Variants in PTPRD observed in about 807,000 individuals in gnomAD.
PTPRD encodes protein tyrosine phosphatase receptor type D.
A neutral mutation model predicts 214.5 loss-of-function variants in PTPRD; 34 were observed. That is an observed-to-expected ratio of 0.16 (90% CI 0.12 to 0.21). The LOEUF is 0.21. Among genes scored for constraint, PTPRD ranks in the 10% least tolerant of loss-of-function variants. PTPRD has a pLI of 1.00. For synonymous variants in PTPRD, 1,128 were observed against 845.7 expected (o/e 1.33, Z -5.79); for missense variants, 2,545 against 2,398.7 (o/e 1.06, Z -1.27).
At position 9,887,207 on chromosome 9, in the gene PTPRD, C is replaced by A. The variant is rs1446261560; in HGVS notation, c.-368+51300G>T. On this transcript the variant is annotated intron_variant, in intron 5 of 45. Transcript: ENST00000381196. Reference sequence around the variant, plus strand: ...AGAAAGCCTTCTGTCAATATCATAGCAGAATTGTTTGTTCACTTCACCGTA... The same window carrying A: ...AGAAAGCCTTCTGTCAATATCATAGAAGAATTGTTTGTTCACTTCACCGTA... Among the ~76,000 whole-genome samples the A allele has an allele frequency of 2.6e-5, 4 of 152,220 alleles. No individual in the cohort carries two copies. The East Asian group carries it at 7.7e-4, about 29-fold the overall frequency.
intron 7 of PTPRD, among the ~76,000 whole-genome samples, chr9:9,614,182 G>C (rs371922083): frequency 1.3e-5 from 2 of 151,866 alleles, no homozygotes; most frequent in East Asian, 1.9e-4. Flanking sequence ...GAAAGTTTAT[G>C]ATTGCCAGAG....
chr9:10,281,731 A>G (rs117604398), intron 3 of PTPRD, among the ~76,000 whole-genome samples: 133 of 152,316 alleles, frequency 8.7e-4, no homozygotes, highest in Non-Finnish European at 1.6e-3. Context: ...AATGACTATC[A>G]TATGAAAACT....
intron 11 of PTPRD, among the ~76,000 whole-genome samples, chr9:8,759,649 T>C (rs575208458): frequency 6.6e-6 from 1 of 152,002 alleles, no homozygotes; most frequent in East Asian, 1.9e-4. Flanking sequence ...TCAATCTTCT[T>C]TTCCTACTCA....
chr9:9,890,815 C>T (rs1307595646), intron 5 of PTPRD, among the ~76,000 whole-genome samples: 1 of 152,066 alleles, frequency 6.6e-6, no homozygotes, highest in East Asian at 1.9e-4. Flanking sequence ...TACTATGTCT[C>T]CAATGATGCC....
intron 9 of PTPRD, among the ~76,000 whole-genome samples, chr9:9,289,989 G>A (rs1950633992): frequency 6.6e-6 from 1 of 151,698 alleles, no homozygotes; most frequent in African/African-American, 2.4e-5. Flanking sequence ...TTAGGTTGTT[G>A]AATCATGTCG....
intron 12 of PTPRD, among the ~76,000 whole-genome samples, chr9:8,695,965 C>T (rs2097902970): frequency 6.6e-6 from 1 of 152,148 alleles, no homozygotes. Context: ...AAATCTAGAT[C>T]AAAATAAATG....
At position 9,641,178 on chromosome 9, in the gene PTPRD, T is replaced by C. The variant is rs118173588; in HGVS notation, c.-286-66397A>G. 1.3e-3 allele frequency among the ~76,000 whole-genome samples: 199 copies of C among 152,348 alleles called. 1 individual carries two copies. Among genetic ancestry groups the C allele is most frequent in the Non-Finnish European group, 2.4e-3 (166 of 68,032 alleles). ...TTCTGTTGATGCTGCTTAGCAAATG[T>C]AGCTCCTTGAGTTGTTTTCATTTCA... On this transcript the variant is annotated intron_variant, in intron 7 of 45. Transcript: ENST00000381196.
intron 11 of PTPRD, among the ~76,000 whole-genome samples, chr9:8,985,791 G>A (rs895796277): frequency 3.9e-5 from 6 of 151,976 alleles, no homozygotes; most frequent in Non-Finnish European, 7.4e-5. Context: ...TATAGCCTGA[G>A]GTTAATGAAG....
chr9:8,375,346 C>T (rs1266932669), intron 39 of PTPRD, among the ~76,000 whole-genome samples: 2 of 151,992 alleles, frequency 1.3e-5, no homozygotes, highest in Non-Finnish European at 2.9e-5. Flanking sequence ...AGAAATACAA[C>T]TTATTACCTT....
At chr9:9,459,170 G>C (rs776779220) in intron 8 of PTPRD, among the ~76,000 whole-genome samples, 3 of 151,948 alleles carry the variant, frequency 2.0e-5, no homozygotes, top group Non-Finnish European at 4.4e-5. Context: ...CATATGTCCA[G>C]TATATCACTA....
At chr9:10,512,196 C>A (rs2048532700) in intron 2 of PTPRD, among the ~76,000 whole-genome samples, 3 of 97,308 alleles carry the variant, frequency 3.1e-5, no homozygotes, top group African/African-American at 7.6e-5. Context: ...GCTTATTTAC[C>A]TTAACAAAAA....
chr9:10,247,141 G>C (rs1218464733), intron 3 of PTPRD, among the ~76,000 whole-genome samples: 1 of 152,052 alleles, frequency 6.6e-6, no homozygotes, highest in Non-Finnish European at 1.5e-5. Context: ...GTTACACAAA[G>C]TAAAACTAGT....
chr9:9,280,049 T>C (rs1026854702), intron 9 of PTPRD, among the ~76,000 whole-genome samples: 5 of 151,376 alleles, frequency 3.3e-5, no homozygotes, highest in Non-Finnish European at 4.4e-5. Flanking sequence ...TGCTTTAGCA[T>C]AGCAAAAACT....
At chr9:10,028,591 G>A (rs553692739) in intron 4 of PTPRD, among the ~76,000 whole-genome samples, 2 of 152,138 alleles carry the variant, frequency 1.3e-5, no homozygotes, top group East Asian at 1.9e-4. Context: ...GTTGGGAACT[G>A]GAGCAAAGGT....
chr9:9,674,216 G>T (rs544412674), intron 7 of PTPRD, among the ~76,000 whole-genome samples: 1 of 151,766 alleles, frequency 6.6e-6, no homozygotes. Flanking sequence ...GGAGCTGATA[G>T]GCATTGTTCA....
At chr9:8,586,484 C>T (rs982237091) in intron 14 of PTPRD, among the ~76,000 whole-genome samples, 1 of 152,050 alleles carries the variant, frequency 6.6e-6, no homozygotes, top group Non-Finnish European at 1.5e-5. Flanking sequence ...TTATTTCATC[C>T]ACTTCTGCTA....
intron 2 of PTPRD, among the ~76,000 whole-genome samples, chr9:10,593,348 T>C (rs543657428): frequency 6.6e-6 from 1 of 152,042 alleles, no homozygotes; most frequent in African/African-American, 2.4e-5. Context: ...ATACAGCACA[T>C]GTAAGAGTGA....
chr9:9,489,380 AAG>A (rs1463531413), intron 8 of PTPRD, among the ~76,000 whole-genome samples: 1 of 152,116 alleles, frequency 6.6e-6, no homozygotes. Context: ...AAGACATACA[AAG>A]AGAGAGGAAC....
chr9:9,708,916 A>AT (rs1396897538), intron 7 of PTPRD, among the ~76,000 whole-genome samples: 3 of 151,986 alleles, frequency 2.0e-5, no homozygotes, highest in Admixed American at 2.0e-4. Context: ...TTTCCCTTCC[A>AT]TTTTGTTAAT....
Sources: gnomAD v4.1 joint callset for allele counts (sites outside exome capture counted in the v4.1 genomes callset) on GRCh38, gnomAD v4.1.1 for gene constraint, MANE v1.5 for transcripts, NCBI Gene and HGNC (gene_info 2026-07-23, HGNC 2026-07-21) for gene names.